The following CPA4 variants were observed in gnomAD, a reference collection of about 807,000 sequenced individuals.
The protein encoded by CPA4 is carboxypeptidase A4.
Under a neutral mutation model 54.7 loss-of-function variants are expected in CPA4, and 49 were observed. The ratio of observed to expected loss-of-function variants is 0.90; its 90% CI spans 0.71 to 1.14. The LOEUF (loss-of-function observed/expected upper bound fraction) is 1.14, where lower values mean the gene tolerates loss of function less well. CPA4 is among the 50% of genes most tolerant of loss of function. The pLI, the probability that CPA4 is intolerant of heterozygous loss-of-function variation, is 0.00. For missense variants in CPA4, 487 were observed against 525.1 expected (o/e 0.93, Z 0.71); for synonymous variants, 215 against 206.8 (o/e 1.04, Z -0.34).
chr7:130,320,995 T>C (rs1231557739), intron 10 of CPA4, among the ~76,000 whole-genome samples: 1 of 152,150 alleles, frequency 6.6e-6, no homozygotes, highest in Non-Finnish European at 1.5e-5. Context: ...GTCCAGGAGT[T>C]TGACACCAGC....
intron 10 of CPA4, among the ~76,000 whole-genome samples, chr7:130,314,901 G>A (rs541723604): frequency 2.0e-5 from 3 of 152,148 alleles, no homozygotes; most frequent in South Asian, 4.1e-4. Flanking sequence ...CTTTTTCTTC[G>A]GGATTCGGGT....
Position 130,310,886 on chromosome 7 carries a change from A to G in CPA4, c.893A>G (p.His298Arg), listed in dbSNP as rs137989611. Residue 298 changes from histidine to arginine, a missense_variant, in exon 9 of 11, where the codon CAT (histidine) becomes CGT (arginine). By Grantham distance (29) the His-to-Arg change is conservative (BLOSUM62 0). Coordinates refer to ENST00000222482, the MANE Select transcript of CPA4 (RefSeq NM_016352.4). The surrounding 1 kb of genome is among the most constrained non-coding windows in gnomAD (Gnocchi z 4.3). ...VKSVVDFIQKHGNFKGFIDLH... is the reference protein window; with the variant it reads ...VKSVVDFIQKRGNFKGFIDLH... The stretch of plus-strand genomic sequence containing the variant: ...TCAGTGGTAGATTTCATCCAAAAAC[A>G]TGGGAATTTCAAGGGCTTCATCGAC... 3.7e-6 allele frequency: 6 copies of G among 1,614,160 alleles called. No individual in the cohort carries two copies. In the African/African-American group the frequency reaches 5.3e-5, roughly 14 times the overall value.
chr7:130,319,510 G>A (rs754132297), intron 10 of CPA4, among the ~76,000 whole-genome samples: 2 of 152,228 alleles, frequency 1.3e-5, no homozygotes, highest in African/African-American at 4.8e-5. Flanking sequence ...AAGGCAGATC[G>A]ATAGGAGAAA....
At chr7:130,315,846 G>C (rs1482509411) in intron 10 of CPA4, among the ~76,000 whole-genome samples, 1 of 152,160 alleles carries the variant, frequency 6.6e-6, no homozygotes, top group Non-Finnish European at 1.5e-5. Flanking sequence ...GCATTGATGG[G>C]AAATGGCTTT....
chr7:130,298,452 C>T (rs1042178927), intron 1 of CPA4, among the ~76,000 whole-genome samples: 11 of 152,306 alleles, frequency 7.2e-5, no homozygotes, highest in Admixed American at 6.5e-4. Context: ...GGTATATTTC[C>T]GCTGTCTGTT....
At chr7:130,302,349 C>T (rs1458138337) in intron 4 of CPA4, among the ~76,000 whole-genome samples, 11 of 152,122 alleles carry the variant, frequency 7.2e-5, no homozygotes, top group East Asian at 3.9e-4. Flanking sequence ...ATTAGCTGGG[C>T]GTGGTGGCAG....
chr7:130,301,066 G>C (rs927668914), intron 4 of CPA4, 152 bp downstream of exon 4: 2 of 613,700 alleles, frequency 3.3e-6, no homozygotes, highest in Non-Finnish European at 5.9e-6. Context: ...CTAATTCTTG[G>C]ATTGCTGAAC....
chr7:130,313,698 A>C (rs1019270351), intron 10 of CPA4, among the ~76,000 whole-genome samples: 2 of 152,182 alleles, frequency 1.3e-5, no homozygotes, highest in Non-Finnish European at 2.9e-5. Flanking sequence ...TTTTTAAAAC[A>C]GATTGGACAG....
rs987938263 is a variant in CPA4 at position 130,308,135 on chromosome 7, C to T, written c.703-172C>T. ...TCTCTTAGAGCCGGAAGGGGAAATA[C>T]TCCTCTCTCTGCAGGAGGAGAGACA... On this transcript the variant is annotated intron_variant, in intron 7 of 10. Transcript: ENST00000222482. 8.0e-6 allele frequency: 5 copies of T among 625,604 alleles called. No homozygotes were observed. In the Admixed American group the frequency reaches 1.1e-4, roughly 14 times the overall value. 38.8% of individuals were successfully genotyped at this position (625,604 alleles called of 1,614,324 possible).
chr7:130,306,023 T>A, intron 6 of CPA4, 103 bp downstream of exon 6: 1 of 909,762 alleles, frequency 1.1e-6, no homozygotes, highest in Non-Finnish European at 1.8e-6. Flanking sequence ...GGTTCTCTAC[T>A]AAGACCCAGT....
Position 130,321,051 on chromosome 7 carries a change from C to T in CPA4, c.1079-1438C>T, listed in dbSNP as rs982204410. On this transcript the variant is annotated intron_variant, in intron 10 of 10. Coordinates refer to ENST00000222482, the MANE Select transcript of CPA4 (RefSeq NM_016352.4). The stretch of plus-strand genomic sequence containing the variant: ...CATCTCTGCAAATAAATAAATTAGC[C>T]GGGCATAGTGCTATGTGCCTGTAGT... 1.4e-4 allele frequency among the ~76,000 whole-genome samples: 22 copies of T among 152,036 alleles called. 1 individual carries two copies. Among genetic ancestry groups the T allele is most frequent in the South Asian group, 6.2e-4 (3 of 4,820 alleles).
In CPA4 at chr7:130,299,388, C is replaced by A. The variant is rs1349887635; in HGVS notation, c.269C>A (p.Thr90Lys). 6.2e-7 allele frequency: 1 copy of A among 1,614,116 alleles called. No individual in the cohort carries two copies. The highest frequency in any genetic ancestry group is 1.1e-5 in the South Asian group (1 of 91,070). Residue 90 changes from threonine (T) to lysine (K), a missense_variant, in exon 3 of 11, where the codon ACA becomes AAA. Thr to Lys is a moderately conservative substitution (Grantham distance 78). Coordinates refer to ENST00000222482, the MANE Select transcript of CPA4 (RefSeq NM_016352.4). ...LRSQGLEYAV[T>K]IEDLQALLDN... ...TCCCAGGGCTTAGAGTACGCAGTGA[C>A]AATTGAGGACCTGCAGGTAGGTAGA...
intron 1 of CPA4, among the ~76,000 whole-genome samples, chr7:130,297,154 T>A (rs1393189849): frequency 6.6e-6 from 1 of 152,104 alleles, no homozygotes; most frequent in Admixed American, 6.5e-5. Context: ...AAAGTCTCAC[T>A]ATTTTGTCCA....
intron 1 of CPA4, among the ~76,000 whole-genome samples, chr7:130,294,563 G>C (rs900017510): frequency 6.6e-6 from 1 of 152,170 alleles, no homozygotes; most frequent in Admixed American, 6.5e-5. Context: ...CTATTCATGT[G>C]GCTGAAAAAT....
At position 130,300,886 on chromosome 7, in the gene CPA4, A is replaced by G. The variant is rs1324614857; in HGVS notation, c.356A>G (p.Asn119Ser). 3.7e-6 allele frequency: 6 copies of G among 1,613,064 alleles called. No homozygotes were observed. The East Asian group carries it at 6.7e-5, about 18-fold the overall frequency. Residue 119 changes from asparagine to serine, a missense_variant, in exon 4 of 11, where the codon AAC becomes AGC. Coordinates refer to ENST00000222482, the MANE Select transcript of CPA4 (RefSeq NM_016352.4). ...CAAGAACGGAGCAGTAATAACTTCA[A>G]CTACGGGGCTTACCATTCCCTGGAA... ...EGQERSSNNF[N>S]YGAYHSLEAI...
chr7:130,298,887 G>A (rs1791845150), intron 2 of CPA4, 60 bp downstream of exon 2: 3 of 942,864 alleles, frequency 3.2e-6, no homozygotes, highest in Admixed American at 3.7e-5. Context: ...GAAGACTCTT[G>A]CTCTACTGGC....
In CPA4 at chr7:130,296,679, C is replaced by CTTTTTTTTTTT. The variant is rs369325885; in HGVS notation, c.69-2052_69-2042dup. 4.7e-4 allele frequency among the ~76,000 whole-genome samples: 34 copies of CTTTTTTTTTTT among 73,002 alleles called. 3 individuals are homozygous for CTTTTTTTTTTT. Among genetic ancestry groups the CTTTTTTTTTTT allele is most frequent in the East Asian group, 1.0e-3 (2 of 1,970 alleles). 47.9% of individuals were successfully genotyped at this position (73,002 alleles called of 152,430 possible). A position where few individuals can be genotyped will look rare whatever the true frequency, so the allele number is the denominator to read the frequency against. ...AAGATCTTTCTAGCAGCTCCCCTCA[C>CTTTTTTTTTTT]TTTTTTTTTTTTTTTTTTTTTTTTT... On this transcript the variant is annotated intron_variant, in intron 1 of 10. Transcript: ENST00000222482.
intron 10 of CPA4, among the ~76,000 whole-genome samples, chr7:130,315,155 G>A (rs1482679513): frequency 1.3e-5 from 2 of 151,942 alleles, no homozygotes; most frequent in African/African-American, 2.4e-5. Flanking sequence ...GGTGTAGGAA[G>A]GGATTAGAGG....
Position 130,310,833 on chromosome 7 carries a change from C to T in CPA4, c.840C>T (p.Pro280=). The T allele has an allele frequency of 6.2e-7, 1 of 1,614,234 alleles. No individual in the cohort carries two copies. The highest frequency in any genetic ancestry group is 8.5e-7 in the Non-Finnish European group (1 of 1,180,038). ...DNPCSEVYHG[P]HANSEVEVKS... ...CTTGCTCCGAAGTGTACCATGGACCCCACGCCAATTCGGAAGTGGAGGTGA... is the reference window on the plus strand; with the variant it reads ...CTTGCTCCGAAGTGTACCATGGACCTCACGCCAATTCGGAAGTGGAGGTGA... The change falls in exon 9 of 11, where the codon CCC becomes CCT. Residue 280 remains proline (P), a synonymous_variant. Coordinates refer to ENST00000222482, the MANE Select transcript of CPA4 (RefSeq NM_016352.4). The surrounding 1 kb of genome is among the most constrained non-coding windows in gnomAD (Gnocchi z 4.3).
Sources: allele counts gnomAD v4.1 joint callset (sites outside exome capture counted in the v4.1 genomes callset), GRCh38; gene constraint gnomAD v4.1.1; non-coding constraint Gnocchi (gnomAD v3.1); transcripts MANE v1.5; gene names NCBI Gene and HGNC (gene_info 2026-07-23, HGNC 2026-07-21).